Variants in ADAM28 observed in about 807,000 individuals in gnomAD.
The protein encoded by ADAM28 is ADAM metallopeptidase domain 28.
ADAM28 carries 105 observed loss-of-function variants against 101.2 expected under a neutral mutation model. The observed-to-expected ratio is 1.04, with a 90% CI of 0.89 to 1.22. ADAM28 has a LOEUF of 1.22. ADAM28 is among the 50% of genes most tolerant of loss of function. The probability of loss-of-function intolerance (pLI) is 0.00; values close to 1 mark genes in which losing one functional copy is unlikely to be tolerated. For synonymous variants in ADAM28, 322 were observed against 310.6 expected, an observed-to-expected ratio of 1.04 and a Z score of -0.39; for missense variants, 1,028 against 945.4, an observed-to-expected ratio of 1.09 and a Z score of -1.15.
chr8:24,318,069 TG>T (rs1265828235), intron 6 of ADAM28, among the ~76,000 whole-genome samples: 1 of 151,888 alleles, frequency 6.6e-6, no homozygotes, highest in East Asian at 1.9e-4. Context: ...TACAGAAAAA[TG>T]GATTAAGGTA....
chr8:24,336,942 T>G (rs1279543958), intron 14 of ADAM28, among the ~76,000 whole-genome samples: 1 of 152,222 alleles, frequency 6.6e-6, no homozygotes, highest in Non-Finnish European at 1.5e-5. Flanking sequence ...TACATAGTCC[T>G]ATTATTTGAA....
At position 24,335,606 on chromosome 8, in the gene ADAM28, CACTGCAGGAGCAG is replaced by C. The variant is rs757041065; in HGVS notation, c.1533_1545del (p.Leu512AlafsTer64). ...CACTGCTTGATGGGGACATGCCCCA[CACTGCAGGAGCAG>C]TGCACAGAGCTGTGGGGACCAGGTA... On this transcript the variant is annotated frameshift_variant, in exon 14 of 23. Transcript: ENST00000265769. LOFTEE classifies it high-confidence loss of function. The C allele has an allele frequency of 6.2e-7, 1 of 1,613,016 alleles. No individual in the cohort carries two copies. Among genetic ancestry groups the C allele is most frequent in the Non-Finnish European group, 8.5e-7 (1 of 1,179,428 alleles).
At position 24,354,500 on chromosome 8, in the gene ADAM28, T is replaced by G; in HGVS notation, c.*96T>G. On this transcript the variant is annotated 3_prime_UTR_variant, in exon 23 of 23. Coordinates refer to ENST00000265769, the MANE Select transcript of ADAM28 (RefSeq NM_014265.6). ...AATATACTATCTATCTCACCAGTAT[T>G]TGCTCTCGACTCAAGAAGGTTAACA... The G allele has an allele frequency of 7.1e-7, 1 of 1,402,756 alleles. No individual in the cohort carries two copies. Among genetic ancestry groups the G allele is most frequent in the East Asian group, 2.5e-5 (1 of 39,522 alleles). 86.9% of individuals were successfully genotyped at this position (1,402,756 alleles called of 1,614,324 possible).
At chr8:24,329,868 T>A in intron 10 of ADAM28, 117 bp from the exon 11 acceptor site, 2 of 736,864 alleles carry the variant, frequency 2.7e-6, no homozygotes, top group Non-Finnish European at 4.3e-6. Context: ...TGTGTGTGTG[T>A]TTGTGTGTGT....
At position 24,335,489 on chromosome 8, in the gene ADAM28, G is replaced by C; in HGVS notation, c.1415G>C (p.Cys472Ser). 6.2e-7 allele frequency: 1 copy of C among 1,614,072 alleles called. No homozygotes were observed. ...GMVCRPAKDE[C>S]DLPEMCNGKS... The stretch of plus-strand genomic sequence containing the variant: ...GTGTGCAGACCAGCAAAAGATGAGT[G>C]CGACCTGCCTGAAATGTGTAATGGT... Residue 472 changes from cysteine to serine, a missense_variant, in exon 14 of 23, where the codon TGC becomes TCC. By Grantham distance (112) the Cys-to-Ser change is moderately radical (BLOSUM62 -1). Coordinates refer to ENST00000265769, the MANE Select transcript of ADAM28 (RefSeq NM_014265.6).
chr8:24,321,160 C>A lies in ADAM28; in HGVS notation c.649-58C>A, dbSNP rs969132912. The A allele has an allele frequency of 8.0e-5, 86 of 1,074,434 alleles. No homozygotes were observed. The East Asian group carries it at 1.1e-3, about 13-fold the overall frequency. The allele number at this position is 1,074,434 out of a possible 1,614,324, so 66.6% of individuals were successfully genotyped here. A position where few individuals can be genotyped will look rare whatever the true frequency, so the allele number is the denominator to read the frequency against. On this transcript the variant is annotated intron_variant, in intron 7 of 22. Coordinates refer to ENST00000265769, the MANE Select transcript of ADAM28 (RefSeq NM_014265.6). ...AATATAAGAGAAGATGCCTTTTTAA[C>A]CTTCCAAGTATATTCATTTTTATCA...
chr8:24,316,500 T>C (rs1585582624), intron 6 of ADAM28, among the ~76,000 whole-genome samples: 1 of 152,194 alleles, frequency 6.6e-6, no homozygotes, highest in East Asian at 1.9e-4. Flanking sequence ...CATTATTTTA[T>C]TTGAAGCTGG....
At position 24,310,146 on chromosome 8, in the gene ADAM28, TG is replaced by T. The variant is rs766026617; in HGVS notation, c.228-16del. ...TCAGCACAAGTAACCACAACATTTT[TG>T]TGTTTCTTTCTCCAGGAACCTCCTT... On this transcript the variant is annotated splice_polypyrimidine_tract_variant and intron_variant, in intron 3 of 22. Transcript: ENST00000265769. The T allele has an allele frequency of 4.3e-6, 7 of 1,611,848 alleles. No individual in the cohort carries two copies. Among genetic ancestry groups the T allele is most frequent in the East Asian group, 4.5e-5 (2 of 44,834 alleles).
chr8:24,352,890 G>A (rs994886907), intron 21 of ADAM28, among the ~76,000 whole-genome samples: 13 of 151,784 alleles, frequency 8.6e-5, no homozygotes, highest in Non-Finnish European at 1.6e-4. Context: ...TTCCACCACC[G>A]CCAATTCCTG....
intron 20 of ADAM28, 114 bp downstream of exon 20, chr8:24,351,424 A>T (rs549335037): frequency 9.4e-7 from 1 of 1,068,310 alleles, no homozygotes. Flanking sequence ...GCAGTAACAC[A>T]TTCAGAAATG....
At chr8:24,318,096 C>T (rs1271684171) in intron 6 of ADAM28, among the ~76,000 whole-genome samples, 8 of 151,928 alleles carry the variant, frequency 5.3e-5, no homozygotes, top group Non-Finnish European at 1.2e-4. Context: ...ACAGCTGCAC[C>T]GGTTACAGCT....
In ADAM28 at chr8:24,335,539, A is replaced by G. The variant is rs936282235; in HGVS notation, c.1465A>G (p.Arg489Gly). The part of the protein sequence containing the change: ...NGKSGNCPDD[R>G]FQVNGFPCHH... ...TAAATCTGGTAATTGTCCTGATGAT[A>G]GATTCCAAGTCAATGGCTTCCCTTG... The change falls in exon 14 of 23, where the codon AGA becomes GGA. Residue 489 changes from arginine to glycine, a missense_variant. Coordinates refer to ENST00000265769, the MANE Select transcript of ADAM28 (RefSeq NM_014265.6). The G allele has an allele frequency of 6.2e-7, 1 of 1,614,066 alleles. No individual in the cohort carries two copies. Among genetic ancestry groups the G allele is most frequent in the Non-Finnish European group, 8.5e-7 (1 of 1,180,026 alleles).
intron 2 of ADAM28, chr8:24,308,581 C>A (rs1350814254): frequency 2.2e-6 from 1 of 455,702 alleles, no homozygotes; most frequent in East Asian, 7.0e-5. Flanking sequence ...TAATCCTGAA[C>A]AGTAAGAGGT....
In ADAM28 at chr8:24,341,434, C is replaced by A. The variant is rs757014848; in HGVS notation, c.1671-164C>A. The A allele has an allele frequency of 8.8e-6, 6 of 684,262 alleles. No individual in the cohort carries two copies. The Admixed American group carries it at 8.8e-5, about 10-fold the overall frequency. 42.4% of individuals were successfully genotyped at this position (684,262 alleles called of 1,614,324 possible). On this transcript the variant is annotated intron_variant, in intron 15 of 22. Transcript: ENST00000265769. ...TTTGAGCAATAATATATTGTGCTAA[C>A]GTTCAGGCATCCTATTACTGAGAAA...
At position 24,339,555 on chromosome 8, in the gene ADAM28, C is replaced by T. The variant is rs774655105; in HGVS notation, c.1657C>T (p.Pro553Ser). The change falls in exon 15 of 23, where the codon CCC (proline) becomes TCC (serine). Residue 553 changes from proline to serine, a missense_variant. By Grantham distance (74) the Pro-to-Ser change is moderately conservative (BLOSUM62 -1). Coordinates refer to ENST00000265769, the MANE Select transcript of ADAM28 (RefSeq NM_014265.6). The part of the protein sequence containing the change: ...YCRRVDDTLI[P>S]CKANDTMCGK... ...TCGCAGAGTGGATGACACACTCATT[C>T]CCTGCAAAGCAAAGTAAGTGGCCTT... 4.5e-5 allele frequency: 72 copies of T among 1,611,620 alleles called. 1 individual carries two copies. The South Asian group carries it at 6.9e-4, about 15-fold the overall frequency.
At chr8:24,311,332 T>G (rs768009583) in intron 4 of ADAM28, 29 bp from the exon 5 acceptor site, 1 of 1,581,984 alleles carries the variant, frequency 6.3e-7, no homozygotes, top group Admixed American at 1.8e-5. Flanking sequence ...TCACATGTAC[T>G]TCTCTTTACA....
At chr8:24,347,758 A>G (rs1815579763) in intron 18 of ADAM28, among the ~76,000 whole-genome samples, 1 of 152,070 alleles carries the variant, frequency 6.6e-6, no homozygotes, top group African/African-American at 2.4e-5. Flanking sequence ...ATCATGATGA[A>G]ATGGTGCTGT....
intron 15 of ADAM28, 108 bp from the exon 16 acceptor site, chr8:24,341,488 AAG>A: frequency 9.0e-7 from 1 of 1,114,588 alleles, no homozygotes; most frequent in Non-Finnish European, 1.3e-6. Context: ...AAGTACAACT[AAG>A]AGTCTCGGCT....
intron 9 of ADAM28, 81 bp from the exon 10 acceptor site, chr8:24,326,473 A>G: frequency 7.5e-7 from 1 of 1,332,810 alleles, no homozygotes; most frequent in Non-Finnish European, 1.1e-6. Flanking sequence ...TCTGCTAACC[A>G]TTTAGGGTTT....
Sources: gnomAD v4.1 joint callset for allele counts (sites outside exome capture counted in the v4.1 genomes callset) on GRCh38, gnomAD v4.1.1 for gene constraint, MANE v1.5 for transcripts, NCBI Gene and HGNC (gene_info 2026-07-23, HGNC 2026-07-21) for gene names.